DTNA: variants seen among roughly 807,000 people sequenced by gnomAD.
The protein encoded by DTNA is dystrobrevin alpha, also known as dystrophin-related protein 3.
In DTNA, 43 loss-of-function variants were observed where a neutral mutation model predicts 100.7. The ratio of observed to expected loss-of-function variants is 0.43; its 90% CI spans 0.33 to 0.55. DTNA has a LOEUF of 0.55. Ranked by LOEUF, DTNA falls within the 20% of genes least tolerant of loss-of-function variation. DTNA has a pLI of 0.04. For synonymous variants in DTNA, 349 were observed against 347.9 expected (o/e 1.00, Z -0.04); for missense variants, 798 against 953.9 (o/e 0.84, Z 2.15).
rs777695267 is a variant in DTNA, at chr18:34,888,208, G to T, written c.*474G>T. On this transcript the variant is annotated 3_prime_UTR_variant, in exon 23 of 23. Transcript: ENST00000444659. ...ACAATATTAATACTGTTTATAGCTA[G>T]AAGTTTGATTTCTGAATTCTTTGAG... 5.0e-4 allele frequency: 489 copies of T among 985,686 alleles called. 1 individual carries two copies. Among genetic ancestry groups the T allele is most frequent in the Non-Finnish European group, 5.6e-4 (461 of 829,930 alleles). 61.1% of individuals were successfully genotyped at this position (985,686 alleles called of 1,614,324 possible).
intron 1 of DTNA, chr18:34,683,459 G>C (rs921390401): frequency 6.6e-6 from 1 of 152,088 alleles, no homozygotes; most frequent in Non-Finnish European, 1.5e-5. Flanking sequence ...ATGTAGTCAT[G>C]TTCCTTTTCA....
At chr18:34,675,586 G>A (rs1313232909) in intron 1 of DTNA, among the ~76,000 whole-genome samples, 1 of 152,042 alleles carries the variant, frequency 6.6e-6, no homozygotes, top group Non-Finnish European at 1.5e-5. Flanking sequence ...TTTAAAATAA[G>A]AAAATGTAAT....
intron 1 of DTNA, among the ~76,000 whole-genome samples, chr18:34,514,163 C>G (rs1013998087): frequency 6.6e-6 from 1 of 152,054 alleles, no homozygotes; most frequent in African/African-American, 2.4e-5. Flanking sequence ...TTAAGGAAAT[C>G]TATGATTTTA....
chr18:34,719,274 G>A (rs1471013854), intron 1 of DTNA, among the ~76,000 whole-genome samples: 1 of 152,112 alleles, frequency 6.6e-6, no homozygotes, highest in African/African-American at 2.4e-5. Context: ...AACCAGGGAG[G>A]TGAAGGTTGC....
At chr18:34,795,353 G>C (rs2094925652) in intron 4 of DTNA, among the ~76,000 whole-genome samples, 1 of 152,138 alleles carries the variant, frequency 6.6e-6, no homozygotes, top group Non-Finnish European at 1.5e-5. Flanking sequence ...TTGTCTTCGT[G>C]ATATTTATAT....
intron 1 of DTNA, among the ~76,000 whole-genome samples, chr18:34,623,730 G>C (rs2056896802): frequency 6.6e-6 from 1 of 152,178 alleles, no homozygotes; most frequent in Admixed American, 6.5e-5. Context: ...AGGAAACTAA[G>C]AGTAGGCTAA....
chr18:34,666,837 G>C (rs145848647), intron 1 of DTNA, among the ~76,000 whole-genome samples: 2,215 of 152,292 alleles, frequency 0.015, 43 homozygotes, highest in African/African-American at 0.047. Context: ...TTGTGGTATA[G>C]TGTGAAGTCA....
At chr18:34,767,194 T>C (rs1270236559) in intron 3 of DTNA, among the ~76,000 whole-genome samples, 3 of 143,824 alleles carry the variant, frequency 2.1e-5, no homozygotes, top group African/African-American at 7.6e-5. Context: ...CTATGATAAC[T>C]GGCATGGTAA....
chr18:34,585,059 T>C (rs1328694322), intron 1 of DTNA, among the ~76,000 whole-genome samples: 3 of 152,078 alleles, frequency 2.0e-5, no homozygotes, highest in African/African-American at 7.2e-5. Context: ...ACATTTAAGT[T>C]CTCCAAAAAT....
At chr18:34,571,309 G>A (rs572094464) in intron 1 of DTNA, among the ~76,000 whole-genome samples, 30 of 152,218 alleles carry the variant, frequency 2.0e-4, no homozygotes, top group African/African-American at 6.7e-4. Context: ...AATGTTTCCA[G>A]GGCTGAAAAC....
At chr18:34,755,617 T>C (rs555951696) in intron 1 of DTNA, 4 of 302,228 alleles carry the variant, frequency 1.3e-5, no homozygotes, top group African/African-American at 2.2e-5. Context: ...ACAATATCTG[T>C]TCTCCAGTCA....
At chr18:34,671,985 G>A (rs2076820379) in intron 1 of DTNA, among the ~76,000 whole-genome samples, 1 of 152,188 alleles carries the variant, frequency 6.6e-6, no homozygotes, top group African/African-American at 2.4e-5. Flanking sequence ...TTAAAAGCTA[G>A]TTAGACTAAC....
chr18:34,877,264 A>G (rs2096827785), intron 18 of DTNA, among the ~76,000 whole-genome samples: 1 of 152,212 alleles, frequency 6.6e-6, no homozygotes, highest in Non-Finnish European at 1.5e-5. Flanking sequence ...AGAGACCAGA[A>G]TCTAAAGGGC....
chr18:34,621,255 A>T lies in DTNA; in HGVS notation c.-2+127741A>T, dbSNP rs964011128. On this transcript the variant is annotated intron_variant, in intron 1 of 19. Coordinates refer to the DTNA transcript ENST00000283365. ...ATGATATATATATATCCTGTGAATA[A>T]TGATTGTGTGTGTATATATATACAC... 3.3e-5 allele frequency among the ~76,000 whole-genome samples: 5 copies of T among 149,994 alleles called. No homozygotes were observed. The East Asian group carries it at 7.8e-4, about 23-fold the overall frequency.
At chr18:34,604,865 A>G (rs1241766656) in intron 1 of DTNA, among the ~76,000 whole-genome samples, 1 of 152,186 alleles carries the variant, frequency 6.6e-6, no homozygotes, top group East Asian at 1.9e-4. Context: ...GACACAATGT[A>G]GCTTCCCGAA....
intron 1 of DTNA, among the ~76,000 whole-genome samples, chr18:34,662,270 T>C (rs1351908501): frequency 2.0e-5 from 3 of 151,972 alleles, no homozygotes; most frequent in Non-Finnish European, 2.9e-5. Context: ...GAGTAAAATA[T>C]GCAGGCACAA....
At chr18:34,882,522 C>A (rs140634474) in intron 21 of DTNA, among the ~76,000 whole-genome samples, 2 of 152,058 alleles carry the variant, frequency 1.3e-5, no homozygotes, top group African/African-American at 2.4e-5. Flanking sequence ...GCATGCACCA[C>A]CACGCCCAGT....
intron 1 of DTNA, among the ~76,000 whole-genome samples, chr18:34,715,908 A>T (rs1204285149): frequency 6.6e-6 from 1 of 152,188 alleles, no homozygotes; most frequent in East Asian, 1.9e-4. Flanking sequence ...AATTAAACAC[A>T]TGTCATTTTA....
At chr18:34,621,080 CCTT>C (rs754625963) in intron 1 of DTNA, among the ~76,000 whole-genome samples, 87 of 151,352 alleles carry the variant, frequency 5.7e-4, no homozygotes, top group Non-Finnish European at 1.1e-3. Flanking sequence ...AGAAAAATCT[CCTT>C]CTCTCAGTTC....
Sources: allele counts gnomAD v4.1 joint callset (sites outside exome capture counted in the v4.1 genomes callset), GRCh38; gene constraint gnomAD v4.1.1; transcripts MANE v1.5; gene names NCBI Gene and HGNC (gene_info 2026-07-23, HGNC 2026-07-21).